The following CRTAC1 variants were observed in gnomAD, a reference collection of about 807,000 sequenced individuals.
CRTAC1 encodes cartilage acidic protein 1, also known as acidic secreted protein in cartilage.
CRTAC1 carries 37 observed loss-of-function variants against 67.8 expected under a neutral mutation model. The ratio of observed to expected loss-of-function variants is 0.55; its 90% CI spans 0.42 to 0.72. The LOEUF is 0.72. CRTAC1 is among the 30% of genes least tolerant of loss of function. The pLI, the probability that CRTAC1 is intolerant of heterozygous loss-of-function variation, is 0.00. For synonymous variants in CRTAC1, 348 were observed against 371.0 expected (o/e 0.94, Z 0.71); for missense variants, 780 against 931.6 (o/e 0.84, Z 2.12).
chr10:97,911,986 C>G (rs536825330), intron 5 of CRTAC1, among the ~76,000 whole-genome samples: 2 of 152,178 alleles, frequency 1.3e-5, no homozygotes, highest in Admixed American at 6.5e-5. Flanking sequence ...GCTGGAGAGG[C>G]AGTGCTGGTT....
At chr10:97,990,630 C>T (rs557041066) in intron 2 of CRTAC1, among the ~76,000 whole-genome samples, 25 of 152,240 alleles carry the variant, frequency 1.6e-4, no homozygotes, top group South Asian at 1.5e-3. Flanking sequence ...AAGTTATTTC[C>T]CAAAGTAAGA....
chr10:97,979,526 GC>G (rs1259502423), intron 2 of CRTAC1, among the ~76,000 whole-genome samples: 2 of 152,282 alleles, frequency 1.3e-5, no homozygotes, highest in East Asian at 3.9e-4. Context: ...TCTTCTTTCG[GC>G]CCTTACATGA....
intron 2 of CRTAC1, among the ~76,000 whole-genome samples, chr10:97,961,140 C>A (rs2051518976): frequency 6.6e-6 from 1 of 152,120 alleles, no homozygotes; most frequent in East Asian, 1.9e-4. Flanking sequence ...CACGTGTGAG[C>A]CTCACCTGCC....
At chr10:97,875,049 G>A (rs972162796) in intron 14 of CRTAC1, among the ~76,000 whole-genome samples, 11 of 152,198 alleles carry the variant, frequency 7.2e-5, no homozygotes, top group Admixed American at 6.5e-5. Context: ...CACAGTAGGC[G>A]TTCAGTCACT....
intron 8 of CRTAC1, 82 bp downstream of exon 8, chr10:97,901,421 C>G: frequency 1.3e-6 from 2 of 1,575,690 alleles, no homozygotes; most frequent in Non-Finnish European, 8.7e-7. Flanking sequence ...CCCTCCCCTT[C>G]TGATTCTTAA....
intron 2 of CRTAC1, among the ~76,000 whole-genome samples, chr10:97,968,271 C>T (rs1232781274): frequency 6.6e-6 from 1 of 152,144 alleles, no homozygotes; most frequent in Non-Finnish European, 1.5e-5. Context: ...GAGGCAGAGT[C>T]TCGCTCTGTC....
chr10:97,972,569 T>C (rs2051732914), intron 2 of CRTAC1, among the ~76,000 whole-genome samples: 2 of 152,304 alleles, frequency 1.3e-5, no homozygotes, highest in Middle Eastern at 3.4e-3. Context: ...ATCTACTACA[T>C]TATCTCTGAA....
chr10:97,948,830 A>G (rs1000236117), intron 2 of CRTAC1, among the ~76,000 whole-genome samples: 1 of 152,214 alleles, frequency 6.6e-6, no homozygotes, highest in Admixed American at 6.5e-5. Context: ...GAAACTTACA[A>G]TTATGGAGGA....
Position 97,936,201 on chromosome 10 carries a change from G to A in CRTAC1, c.390C>T (p.Ile130=). The A allele has an allele frequency of 6.2e-7, 1 of 1,613,388 alleles. No homozygotes were observed. Among genetic ancestry groups the A allele is most frequent in the Non-Finnish European group, 8.5e-7 (1 of 1,179,624 alleles). ...AGGCATTATTGGTGTTGAGGAAGTAGATCTCCTCCCGGCCGTCCCCGTCGA... is the reference window on the plus strand; with the variant it reads ...AGGCATTATTGGTGTTGAGGAAGTAAATCTCCTCCCGGCCGTCCCCGTCGA... ...CDIDGDGREE[I]YFLNTNNAFS... is the part of the protein sequence containing the mutation. Residue 130 remains isoleucine (I), a synonymous_variant, in exon 3 of 15, where the codon ATC becomes ATT. Coordinates refer to ENST00000370597, the MANE Select transcript of CRTAC1 (RefSeq NM_018058.7).
intron 2 of CRTAC1, among the ~76,000 whole-genome samples, chr10:97,956,620 A>G (rs2051446169): frequency 6.9e-6 from 1 of 145,904 alleles, no homozygotes; most frequent in Admixed American, 6.8e-5. Context: ...AAATATAAAC[A>G]AATGAAAAAA....
At chr10:97,974,222 G>GT (rs965030747) in intron 2 of CRTAC1, among the ~76,000 whole-genome samples, 7 of 152,176 alleles carry the variant, frequency 4.6e-5, no homozygotes, top group African/African-American at 1.7e-4. Flanking sequence ...GAGAAGACGG[G>GT]TGGGAGACGC....
chr10:98,027,984 A>C (rs1282235637), intron 1 of CRTAC1, among the ~76,000 whole-genome samples: 1 of 152,198 alleles, frequency 6.6e-6, no homozygotes, highest in Non-Finnish European at 1.5e-5. Context: ...TTAAATGTGC[A>C]TGTGAGTGTT....
In CRTAC1 at chr10:97,952,077, G is replaced by A. The variant is rs765126497; in HGVS notation, c.225-15711C>T. On this transcript the variant is annotated intron_variant, in intron 2 of 14. Coordinates refer to ENST00000370597, the MANE Select transcript of CRTAC1 (RefSeq NM_018058.7). ...GTTAAAAATGCAAATTCCACCCTGG[G>A]CTTGGTGGCCCACACCTGTAATTCC... Among the ~76,000 whole-genome samples, 32 of 152,298 alleles carry A rather than the reference G, an allele frequency of 2.1e-4. 1 individual carries two copies. Among genetic ancestry groups the A allele is most frequent in the Admixed American group, 1.4e-3 (21 of 15,296 alleles).
intron 3 of CRTAC1, among the ~76,000 whole-genome samples, chr10:97,931,160 AT>A (rs2050998433): frequency 6.6e-6 from 1 of 152,014 alleles, no homozygotes; most frequent in Non-Finnish European, 1.5e-5. Context: ...ATTTTTCCCC[AT>A]CAGATTAGCA....
chr10:97,950,940 G>A (rs2051345054), intron 2 of CRTAC1, among the ~76,000 whole-genome samples: 1 of 152,200 alleles, frequency 6.6e-6, no homozygotes. Context: ...ACGGCTTGAG[G>A]AAGGAGAAGT....
chr10:97,943,533 C>T (rs2051211582), intron 2 of CRTAC1, among the ~76,000 whole-genome samples: 1 of 152,218 alleles, frequency 6.6e-6, no homozygotes, highest in Non-Finnish European at 1.5e-5. Context: ...CAACTATGGG[C>T]ACACAGGAGT....
At chr10:97,991,099 C>CCAAAAAAAAAA (rs1554932158) in intron 2 of CRTAC1, among the ~76,000 whole-genome samples, 19 of 17,978 alleles carry the variant, frequency 1.1e-3, no homozygotes, top group African/African-American at 3.6e-3. Context: ...ACCATCTCTA[C>CCAAAAAAAAAA]AAAAAAAAAA....
intron 8 of CRTAC1, among the ~76,000 whole-genome samples, chr10:97,897,780 G>C (rs974217341): frequency 1.3e-5 from 2 of 152,212 alleles, no homozygotes; most frequent in African/African-American, 4.8e-5. Flanking sequence ...TTCTCACTTG[G>C]TGTATTCTCA....
At chr10:97,932,067 C>A (rs1290412081) in intron 3 of CRTAC1, among the ~76,000 whole-genome samples, 1 of 152,184 alleles carries the variant, frequency 6.6e-6, no homozygotes, top group African/African-American at 2.4e-5. Flanking sequence ...AGTCTTCCTC[C>A]TTCTCCTTTC....
Sources: gnomAD v4.1 joint callset for allele counts (sites outside exome capture counted in the v4.1 genomes callset) on GRCh38, gnomAD v4.1.1 for gene constraint, MANE v1.5 for transcripts, NCBI Gene and HGNC (gene_info 2026-07-23, HGNC 2026-07-21) for gene names.